PDE1C: variants seen among roughly 807,000 people sequenced by gnomAD.
PDE1C encodes dual specificity calcium/calmodulin-dependent 3',5'-cyclic nucleotide phosphodiesterase 1C.
PDE1C carries 62 observed loss-of-function variants against 93.1 expected under a neutral mutation model. The ratio of observed to expected loss-of-function variants is 0.67; its 90% CI spans 0.54 to 0.82. The LOEUF is 0.82. PDE1C is among the 40% of genes least tolerant of loss of function. The pLI is 0.00. For synonymous variants in PDE1C, 325 were observed against 310.1 expected (o/e 1.05, Z -0.50); for missense variants, 742 against 884.6 (o/e 0.84, Z 2.04).
At chr7:32,097,968 C>T (rs374288118) in intron 3 of PDE1C, among the ~76,000 whole-genome samples, 3 of 151,906 alleles carry the variant, frequency 2.0e-5, no homozygotes, top group Non-Finnish European at 2.9e-5. Flanking sequence ...CGGTGGCTCA[C>T]GCCTGTAATC....
the PDE1C span, chr7:31,651,042 G>A: frequency 1.1e-5 from 16 of 1,405,738 alleles, no homozygotes; most frequent in African/African-American, 4.4e-5. Context: ...GCCTGTTTGC[G>A]AAAAAAGGGA....
intron 1 of PDE1C, among the ~76,000 whole-genome samples, chr7:32,306,669 T>C (rs548407382): frequency 3.3e-5 from 5 of 152,310 alleles, no homozygotes; most frequent in African/African-American, 1.2e-4. Flanking sequence ...TGACTCCCTG[T>C]CGCTGTAGAA....
chr7:31,886,881 G>GATCTATTCGGATCTATTCA (rs1583793857), intron 2 of PDE1C, among the ~76,000 whole-genome samples: 1 of 14,576 alleles, frequency 6.9e-5, no homozygotes, highest in Admixed American at 5.8e-4. Context: ...GATCTATTCA[G>GATCTATTCGGATCTATTCA]GGGCGTGTCA....
At chr7:32,305,132 G>T (rs565042144) in intron 1 of PDE1C, among the ~76,000 whole-genome samples, 12 of 152,298 alleles carry the variant, frequency 7.9e-5, no homozygotes, top group African/African-American at 2.9e-4. Flanking sequence ...CACAGCGCCT[G>T]CTCAATCACT....
chr7:32,081,934 C>T (rs939682112), intron 3 of PDE1C, among the ~76,000 whole-genome samples: 8 of 152,160 alleles, frequency 5.3e-5, no homozygotes, highest in Admixed American at 3.3e-4. Flanking sequence ...GAGTGAGCGA[C>T]GCAGAAGATG....
intron 13 of PDE1C, among the ~76,000 whole-genome samples, 155 bp downstream of exon 13, chr7:31,824,712 C>T (rs1284352914): frequency 2.0e-5 from 3 of 152,072 alleles, no homozygotes. Context: ...ACAATTTCAA[C>T]TCCTCTGAGA....
At chr7:32,207,456 G>C (rs982260108) in intron 2 of PDE1C, among the ~76,000 whole-genome samples, 3 of 151,910 alleles carry the variant, frequency 2.0e-5, no homozygotes, top group African/African-American at 7.3e-5. Flanking sequence ...AGGTGGTAAA[G>C]TGAAGTAAGC....
At chr7:31,618,088 T>A in the PDE1C span, among the ~76,000 whole-genome samples, 3 of 152,168 alleles carry the variant, frequency 2.0e-5, no homozygotes, top group Admixed American at 2.0e-4. Context: ...GTTCACAGAC[T>A]TTTAGGGAAC....
At chr7:32,320,335 G>A (rs1002360099) in intron 1 of PDE1C, among the ~76,000 whole-genome samples, 1 of 152,052 alleles carries the variant, frequency 6.6e-6, no homozygotes, top group African/African-American at 2.4e-5. Context: ...TAGAACTGGG[G>A]AACAACACAC....
intron 1 of PDE1C, among the ~76,000 whole-genome samples, chr7:32,325,241 A>G (rs1463559727): frequency 3.3e-5 from 5 of 152,236 alleles, no homozygotes; most frequent in African/African-American, 7.2e-5. Context: ...GAGAGCATCC[A>G]TTGCTCAACT....
At chr7:31,867,867 T>A (rs1408588236) in intron 6 of PDE1C, among the ~76,000 whole-genome samples, 1 of 152,184 alleles carries the variant, frequency 6.6e-6, no homozygotes, top group Non-Finnish European at 1.5e-5. Flanking sequence ...CCATCTCCAG[T>A]GAAACTTCAC....
chr7:31,991,441 T>C (rs1784126991), intron 2 of PDE1C, among the ~76,000 whole-genome samples: 1 of 152,228 alleles, frequency 6.6e-6, no homozygotes, highest in Non-Finnish European at 1.5e-5. Context: ...ACTAGGGTCA[T>C]GTCAGATTTA....
chr7:31,907,805 T>C (rs1288373953), intron 2 of PDE1C, among the ~76,000 whole-genome samples: 2 of 152,138 alleles, frequency 1.3e-5, no homozygotes, highest in Non-Finnish European at 2.9e-5. Flanking sequence ...CAGAAGTTCT[T>C]TGGGAATATG....
chr7:32,066,360 A>T (rs1026007925), intron 1 of PDE1C, among the ~76,000 whole-genome samples: 1 of 152,192 alleles, frequency 6.6e-6, no homozygotes, highest in Non-Finnish European at 1.5e-5. Flanking sequence ...CTTTATATTA[A>T]TAATGTTACT....
the PDE1C span, among the ~76,000 whole-genome samples, chr7:31,618,116 G>A: frequency 3.3e-5 from 5 of 152,148 alleles, no homozygotes; most frequent in Non-Finnish European, 7.3e-5. Flanking sequence ...CCCTCTTGGT[G>A]CCCATCATTG....
At chr7:32,093,095 T>C (rs895896447) in intron 3 of PDE1C, among the ~76,000 whole-genome samples, 2 of 152,224 alleles carry the variant, frequency 1.3e-5, no homozygotes, top group Non-Finnish European at 2.9e-5. Context: ...TCACCCTATC[T>C]GTCTCATTAA....
chr7:31,651,346 G>A, the PDE1C span: 1 of 1,512,782 alleles, frequency 6.6e-7, no homozygotes, highest in Non-Finnish European at 8.9e-7. Context: ...GGGCAGAACA[G>A]AGGAGCACCC....
At chr7:32,303,531 C>T (rs1812926090), upstream of PDE1C, among the ~76,000 whole-genome samples, 1 of 152,114 alleles carries the variant, frequency 6.6e-6, no homozygotes, top group Non-Finnish European at 1.5e-5. Flanking sequence ...TCACCAGTAC[C>T]CTCCTCTGTT....
chr7:32,136,479 C>G (rs1371485399), intron 3 of PDE1C, among the ~76,000 whole-genome samples: 2 of 152,112 alleles, frequency 1.3e-5, no homozygotes, highest in African/African-American at 4.8e-5. Context: ...CTAACAATCC[C>G]ACTAACCCTA....
Sources: allele counts gnomAD v4.1 joint callset (sites outside exome capture counted in the v4.1 genomes callset), GRCh38; gene constraint gnomAD v4.1.1; transcripts MANE v1.5; gene names NCBI Gene and HGNC (gene_info 2026-07-23, HGNC 2026-07-21).